OPTN: variants seen among roughly 807,000 people sequenced by gnomAD.
OPTN encodes the protein optineurin, also known as E3-14.7K-interacting protein.
A neutral mutation model predicts 70.4 loss-of-function variants in OPTN; 54 were observed. That is an observed-to-expected ratio of 0.77 (90% CI 0.62 to 0.96). The LOEUF (loss-of-function observed/expected upper bound fraction) is 0.96, where lower values mean the gene tolerates loss of function less well. Ranked by LOEUF, OPTN falls within the 40% of genes least tolerant of loss-of-function variation. The pLI is 0.00. For synonymous variants in OPTN, 256 were observed against 248.5 expected, an observed-to-expected ratio of 1.03 and a Z score of -0.28; for missense variants, 624 against 673.2, an observed-to-expected ratio of 0.93 and a Z score of 0.81.
chr10:13,114,830 T>TTATATATACATA (rs1833107528), intron 5 of OPTN, among the ~76,000 whole-genome samples: 3 of 104,728 alleles, frequency 2.9e-5, no homozygotes, highest in African/African-American at 4.1e-5. Flanking sequence ...AATTATATAA[T>TTATATATACATA]TATATAATTA....
chr10:13,101,667 T>C (rs1279677416), intron 1 of OPTN, among the ~76,000 whole-genome samples: 1 of 152,236 alleles, frequency 6.6e-6, no homozygotes, highest in Admixed American at 6.5e-5. Flanking sequence ...AAAGTTTTTG[T>C]TATTTCCACT....
rs184878637 is a variant in OPTN, at chr10:13,109,153, G to A, written c.31G>A (p.Glu11Lys). Residue 11 changes from glutamate to lysine, a missense_variant, in exon 3 of 15, where the codon GAA (glutamate) becomes AAA (lysine). By Grantham distance (56) the Glu-to-Lys change is moderately conservative. Transcript: ENST00000378747. MSHQPLSCLT[E>K]KEDSPSESTG... is the part of the protein sequence containing the mutation. ...CCATCAACCTCTCAGCTGCCTCACTGAAAAGGAGGACAGCCCCAGTGAAAG... is the reference window on the plus strand; with the variant it reads ...CCATCAACCTCTCAGCTGCCTCACTAAAAAGGAGGACAGCCCCAGTGAAAG... 27 of 1,613,984 alleles carry A rather than the reference G, an allele frequency of 1.7e-5. No individual in the cohort carries two copies. The African/African-American group carries it at 1.9e-4, about 11-fold the overall frequency.
intron 6 of OPTN, among the ~76,000 whole-genome samples, chr10:13,118,020 G>A (rs566084484): frequency 3.3e-5 from 5 of 152,310 alleles, no homozygotes; most frequent in African/African-American, 1.2e-4. Context: ...AAAAAGCCCT[G>A]GTTGAAATAT....
chr10:13,115,454 A>AT (rs1833164035), intron 5 of OPTN, among the ~76,000 whole-genome samples: 1 of 102,816 alleles, frequency 9.7e-6, no homozygotes, highest in African/African-American at 4.8e-5. Context: ...AATATATTCT[A>AT]TATTATATAA....
intron 12 of OPTN, among the ~76,000 whole-genome samples, chr10:13,129,930 T>C (rs1404383408): frequency 6.6e-6 from 1 of 152,210 alleles, no homozygotes. Flanking sequence ...CTTATAGCTT[T>C]AGTTTTATTT....
Position 13,136,959 on chromosome 10 carries a change from A to G in OPTN, c.*93A>G. The G allele has an allele frequency of 1.3e-6, 2 of 1,534,030 alleles. No individual in the cohort carries two copies. Among genetic ancestry groups the G allele is most frequent in the Non-Finnish European group, 1.8e-6 (2 of 1,114,044 alleles). ...TTGTGTTATTTGTTTTCACTCAAAT[A>G]TTTTGCCTCATTATTCTTGTTTTAA... On this transcript the variant is annotated 3_prime_UTR_variant, in exon 15 of 15. Transcript: ENST00000378747.
At chr10:13,114,814 T>TTATATAATTATATAAGTATATAACGTA (rs1554768968) in intron 5 of OPTN, among the ~76,000 whole-genome samples, 1 of 66,690 alleles carries the variant, frequency 1.5e-5, no homozygotes, top group Non-Finnish European at 2.5e-5. Context: ...ATATATATAA[T>TTATATAATTATATAAGTATATAACGTA]TATATAATTA....
At chr10:13,104,898 C>T (rs1588430274) in intron 1 of OPTN, 8 of 277,116 alleles carry the variant, frequency 2.9e-5, no homozygotes, top group South Asian at 2.8e-4. Context: ...GACCGGGAGG[C>T]GAGTCGGCCA....
Position 13,116,354 on chromosome 10 carries a change from GA to G in OPTN, c.626+15del. The G allele has an allele frequency of 6.2e-7, 1 of 1,605,880 alleles. No homozygotes were observed. On this transcript the variant is annotated intron_variant, in intron 6 of 14. Coordinates refer to ENST00000378747, the MANE Select transcript of OPTN (RefSeq NM_001008212.2). ...CTCCACTGGCACGTATGTGAAGGAA[GA>G]CTCGGGCTGTCAGGCAGACAGGCTG...
chr10:13,125,719 T>G, intron 10 of OPTN, 152 bp downstream of exon 10: 1 of 917,202 alleles, frequency 1.1e-6, no homozygotes. Context: ...GAGAGGGGGA[T>G]AAAATTTAAA....
At chr10:13,129,950 T>TAG (rs1833557781) in intron 12 of OPTN, among the ~76,000 whole-genome samples, 2 of 152,224 alleles carry the variant, frequency 1.3e-5, no homozygotes, top group African/African-American at 4.8e-5. Flanking sequence ...TCTACAGGAA[T>TAG]AGAGCCTCAA....
Position 13,125,549 on chromosome 10 carries a change from C to G in OPTN, c.1130C>G (p.Ala377Gly). ...CTATCAGAAATCAAAATGGAACAGG[C>G]TAAAACAGAGGATGAAAAGTGAGTA... ...SMLSEIKMEQ[A>G]KTEDEKSKLT... Residue 377 changes from alanine to glycine, a missense_variant, in exon 10 of 15, where the codon GCT (alanine) becomes GGT (glycine). Coordinates refer to ENST00000378747, the MANE Select transcript of OPTN (RefSeq NM_001008212.2). 6.2e-7 allele frequency: 1 copy of G among 1,614,086 alleles called. No homozygotes were observed. The highest frequency in any genetic ancestry group is 8.5e-7 in the Non-Finnish European group (1 of 1,180,000).
intron 12 of OPTN, among the ~76,000 whole-genome samples, chr10:13,130,027 C>G (rs1273504654): frequency 1.3e-5 from 2 of 152,184 alleles, no homozygotes; most frequent in Non-Finnish European, 2.9e-5. Flanking sequence ...TTCTTCCACT[C>G]TGCTGCAGTC....
intron 5 of OPTN, 93 bp downstream of exon 5, chr10:13,112,728 C>A: frequency 1.6e-6 from 2 of 1,278,124 alleles, no homozygotes; most frequent in Non-Finnish European, 2.3e-6. Flanking sequence ...CAACACAAGC[C>A]AAGGATTGAG....
At position 13,136,802 on chromosome 10, in the gene OPTN, A is replaced by C. The variant is rs1357375850; in HGVS notation, c.1670A>C (p.Lys557Thr). 16 of 1,614,086 alleles carry C rather than the reference A, an allele frequency of 9.9e-6. No homozygotes were observed. The highest frequency in any genetic ancestry group is 1.3e-5 in the African/African-American group (1 of 74,938). Reference sequence around the variant, plus strand: ...AATATTCCGATTCATTCCTGCCCCAAGTGTGGAGAGGTTCTGCCTGACATA... The same window carrying C: ...AATATTCCGATTCATTCCTGCCCCACGTGTGGAGAGGTTCTGCCTGACATA... ...QRNIPIHSCPKCGEVLPDIDT... is the reference protein window; with the variant it reads ...QRNIPIHSCPTCGEVLPDIDT... Residue 557 changes from lysine (K) to threonine (T), a missense_variant, in exon 15 of 15, where the codon AAG becomes ACG. By Grantham distance (78) the Lys-to-Thr change is moderately conservative (BLOSUM62 -1). Transcript: ENST00000378747.
intron 11 of OPTN, among the ~76,000 whole-genome samples, chr10:13,126,367 G>T: frequency 6.7e-6 from 1 of 149,278 alleles, no homozygotes; most frequent in Non-Finnish European, 1.5e-5. Context: ...TGCAAGCTCC[G>T]CCTCCTGGGT....
intron 7 of OPTN, among the ~76,000 whole-genome samples, chr10:13,119,382 C>G (rs961630177): frequency 6.6e-6 from 1 of 152,214 alleles, no homozygotes; most frequent in African/African-American, 2.4e-5. Context: ...TAGCATGTAT[C>G]AGTACTTCCT....
chr10:13,116,900 A>C (rs1342753534), intron 6 of OPTN, among the ~76,000 whole-genome samples: 1 of 152,080 alleles, frequency 6.6e-6, no homozygotes, highest in Non-Finnish European at 1.5e-5. Context: ...GAGGAAACAG[A>C]CATCTTAAAT....
chr10:13,119,465 T>G (rs1833294795), intron 7 of OPTN, among the ~76,000 whole-genome samples: 1 of 152,242 alleles, frequency 6.6e-6, no homozygotes, highest in African/African-American at 2.4e-5. Flanking sequence ...TTGATAAACA[T>G]TAGAGTTGTT....
Sources: allele counts gnomAD v4.1 joint callset (sites outside exome capture counted in the v4.1 genomes callset), GRCh38; gene constraint gnomAD v4.1.1; transcripts MANE v1.5; gene names NCBI Gene and HGNC (gene_info 2026-07-23, HGNC 2026-07-21).